DRICH1: variants seen among roughly 807,000 people sequenced by gnomAD.
The protein encoded by DRICH1 is aspartate-rich protein 1.
In DRICH1, 38 loss-of-function variants were observed where a neutral mutation model predicts 39.5. The observed-to-expected ratio is 0.96, with a 90% CI of 0.74 to 1.26. DRICH1 has a LOEUF of 1.26. Among genes scored for constraint, DRICH1 ranks in the 50% most tolerant of loss-of-function variants. The pLI, the probability that DRICH1 is intolerant of heterozygous loss-of-function variation, is 0.00. For synonymous variants in DRICH1, 84 were observed against 99.5 expected, an observed-to-expected ratio of 0.84 and a Z score of 0.93; for missense variants, 279 against 270.4, an observed-to-expected ratio of 1.03 and a Z score of -0.22.
chr22:23,624,356 A>G, intron 3 of DRICH1: 2 of 984,432 alleles, frequency 2.0e-6, no homozygotes, highest in Non-Finnish European at 2.4e-6. Flanking sequence ...AAATGATCAA[A>G]AACACAGGAT....
intron 1 of DRICH1, among the ~76,000 whole-genome samples, chr22:23,629,528 G>C (rs1289908522): frequency 6.6e-6 from 1 of 152,120 alleles, no homozygotes; most frequent in Admixed American, 6.5e-5. Context: ...GAGGGTGATC[G>C]GCACCAGGCT....
chr22:23,603,857 G>A (rs1257323792), downstream of DRICH1, among the ~76,000 whole-genome samples: 2 of 152,180 alleles, frequency 1.3e-5, no homozygotes, highest in Non-Finnish European at 2.9e-5. Context: ...TGAGTGGATG[G>A]CCTTGGGGGA....
chr22:23,614,252 T>C (rs899040123), intron 8 of DRICH1, 38 bp from the exon 9 acceptor site: 1 of 1,482,564 alleles, frequency 6.7e-7, no homozygotes, highest in East Asian at 2.3e-5. Context: ...GCACCGGTGG[T>C]TGGTGACTCT....
intron 3 of DRICH1, among the ~76,000 whole-genome samples, chr22:23,622,597 T>TTAAAAG (rs1425848488): frequency 6.6e-6 from 1 of 151,188 alleles, no homozygotes; most frequent in South Asian, 2.1e-4. Context: ...TATTACTTAA[T>TTAAAAG]TAAAAGTCTA....
At chr22:23,627,339 C>T (rs1602350996) in intron 1 of DRICH1, among the ~76,000 whole-genome samples, 1 of 152,092 alleles carries the variant, frequency 6.6e-6, no homozygotes, top group South Asian at 2.1e-4. Flanking sequence ...TCCCAAAGTG[C>T]TGGAATTACA....
downstream of DRICH1, among the ~76,000 whole-genome samples, chr22:23,607,993 C>T (rs949276290): frequency 2.0e-5 from 3 of 152,232 alleles, no homozygotes; most frequent in South Asian, 2.1e-4. Flanking sequence ...CTCAGCATCT[C>T]GCTGCATGAA....
chr22:23,581,857 G>A, the DRICH1 span, among the ~76,000 whole-genome samples: 1 of 151,966 alleles, frequency 6.6e-6, no homozygotes. Context: ...ACCCGCCTGG[G>A]CCTCCCAAAG....
the DRICH1 span, among the ~76,000 whole-genome samples, chr22:23,601,030 T>C: frequency 3.9e-5 from 6 of 152,218 alleles, no homozygotes; most frequent in Non-Finnish European, 8.8e-5. Context: ...CCTAGGTTTT[T>C]ATCCAAACGG....
the DRICH1 span, chr22:23,583,341 T>G: frequency 6.6e-6 from 1 of 152,258 alleles, no homozygotes. Context: ...CCCCCGGGTG[T>G]GTCCCTGGGG....
intron 5 of DRICH1, among the ~76,000 whole-genome samples, chr22:23,619,603 A>G (rs1304706299): frequency 6.6e-6 from 1 of 152,262 alleles, no homozygotes; most frequent in African/African-American, 2.4e-5. Flanking sequence ...GCACACATAC[A>G]GAGTCAGCTG....
the DRICH1 span, among the ~76,000 whole-genome samples, chr22:23,592,664 G>A: frequency 1.3e-5 from 2 of 152,066 alleles, no homozygotes; most frequent in African/African-American, 4.8e-5. Flanking sequence ...GCACCTCTGG[G>A]GCGGGCCACT....
intron 8 of DRICH1, among the ~76,000 whole-genome samples, chr22:23,614,829 C>T (rs1201402554): frequency 6.6e-6 from 1 of 150,982 alleles, no homozygotes; most frequent in Non-Finnish European, 1.5e-5. Flanking sequence ...GCTCCTGTGT[C>T]ACTCTCCCTG....
chr22:23,617,435 G>T lies in DRICH1; in HGVS notation c.519+140C>A, dbSNP rs551609788. The T allele has an allele frequency of 6.5e-4, 632 of 975,348 alleles. 8 individuals carry two copies. The South Asian group carries it at 7.7e-3, about 12-fold the overall frequency. The allele number at this position is 975,348 out of a possible 1,614,324, so 60.4% of individuals were successfully genotyped here. A position where few individuals can be genotyped will look rare whatever the true frequency, so the allele number is the denominator to read the frequency against. On this transcript the variant is annotated intron_variant, in intron 7 of 11. Coordinates refer to ENST00000317749, the MANE Select transcript of DRICH1 (RefSeq NM_016449.4). ...CTGCTTGGATTGGCAATGCCTGCTT[G>T]TTGGGCCCCCTCTCCTGGGAAATCT...
chr22:23,588,258 C>T, the DRICH1 span, among the ~76,000 whole-genome samples: 1 of 152,182 alleles, frequency 6.6e-6, no homozygotes, highest in African/African-American at 2.4e-5. Flanking sequence ...TCCCAAGTCG[C>T]TGGGATTACA....
downstream of DRICH1, among the ~76,000 whole-genome samples, chr22:23,605,457 G>C (rs373318246): frequency 9.8e-5 from 15 of 152,302 alleles, no homozygotes; most frequent in South Asian, 2.9e-3. Flanking sequence ...CCACCACCTG[G>C]TGCTCGGGGA....
At chr22:23,588,023 C>T in the DRICH1 span, among the ~76,000 whole-genome samples, 1 of 152,196 alleles carries the variant, frequency 6.6e-6, no homozygotes, top group Admixed American at 6.5e-5. Flanking sequence ...CTTGCCCATG[C>T]TATATTCGCA....
At position 23,613,677 on chromosome 22, in the gene DRICH1, GAA is replaced by G; in HGVS notation, c.622-19_622-18del. The G allele has an allele frequency of 6.3e-7, 1 of 1,578,370 alleles. No homozygotes were observed. Among genetic ancestry groups the G allele is most frequent in the South Asian group, 1.1e-5 (1 of 90,132 alleles). On this transcript the variant is annotated intron_variant, in intron 9 of 11. Transcript: ENST00000317749. The stretch of plus-strand genomic sequence containing the variant: ...AGCTGTTATCTGCAATTATATAAAA[GAA>G]AACATTATGAAAATCAGATTCTGCT...
At chr22:23,608,420 G>A, downstream of DRICH1, 1 of 372,668 alleles carries the variant, frequency 2.7e-6, no homozygotes. Context: ...CCCTCATTGG[G>A]TCAGACCTGA....
Position 23,631,863 on chromosome 22 carries a change from G to A in DRICH1, c.161C>T (p.Thr54Met), listed in dbSNP as rs772089551. Residue 54 changes from threonine to methionine, a missense_variant, in exon 1 of 12, where the codon ACG becomes ATG. Thr to Met is a moderately conservative substitution (Grantham distance 81, BLOSUM62 -1). Coordinates refer to ENST00000317749, the MANE Select transcript of DRICH1 (RefSeq NM_016449.4). ...GATGTGCTGCAGGTCTTGGCCCTCC[G>A]TGGCTCCCACATCCAGCTTGCCAGG... ...VEPGKLDVGA[T>M]EGQDLQHISN... is the part of the protein sequence containing the mutation. 8.1e-6 allele frequency: 13 copies of A among 1,612,616 alleles called. No individual in the cohort carries two copies. The African/African-American group carries it at 9.3e-5, about 12-fold the overall frequency.
Sources: allele counts gnomAD v4.1 joint callset (sites outside exome capture counted in the v4.1 genomes callset), GRCh38; gene constraint gnomAD v4.1.1; transcripts MANE v1.5; gene names NCBI Gene and HGNC (gene_info 2026-07-23, HGNC 2026-07-21).